EFCAB14: variants seen among roughly 807,000 people sequenced by gnomAD.
EFCAB14 encodes EF-hand calcium-binding domain-containing protein 14.
In EFCAB14, 43 loss-of-function variants were observed where a neutral mutation model predicts 56.5. The observed-to-expected ratio is 0.76, with a 90% CI of 0.60 to 0.98. The LOEUF is 0.98. Ranked by LOEUF, EFCAB14 falls within the 50% of genes least tolerant of loss-of-function variation. EFCAB14 has a pLI of 0.00. For synonymous variants in EFCAB14, 235 were observed against 212.9 expected (o/e 1.10, Z -0.90); for missense variants, 538 against 580.3 (o/e 0.93, Z 0.75).
At chr1:46,678,738 T>G in intron 10 of EFCAB14, 102 bp from the exon 11 acceptor site, 1 of 1,128,704 alleles carries the variant, frequency 8.9e-7, no homozygotes, top group Non-Finnish European at 1.2e-6. Flanking sequence ...GAAAAGCTAC[T>G]CCGCAAATTT....
rs1676696939 is a variant in EFCAB14, at chr1:46,676,516, C to T, written c.*1945G>A. On this transcript the variant is annotated 3_prime_UTR_variant, in exon 11 of 11. Transcript: ENST00000371933. ...AATCAGTTCTCAAAAAAATACCTTCCAGGTACAGACATACTATTTATGGTA... is the reference window on the plus strand; with the variant it reads ...AATCAGTTCTCAAAAAAATACCTTCTAGGTACAGACATACTATTTATGGTA... 1 of 152,484 alleles carries T rather than the reference C, an allele frequency of 6.6e-6. No homozygotes were observed. Among genetic ancestry groups the T allele is most frequent in the African/African-American group, 2.4e-5 (1 of 41,380 alleles). 9.4% of individuals were successfully genotyped at this position (152,484 alleles called of 1,614,324 possible).
chr1:46,700,982 A>AGAGT (rs1553123121), intron 3 of EFCAB14, among the ~76,000 whole-genome samples: 1 of 75,924 alleles, frequency 1.3e-5, no homozygotes. Flanking sequence ...AGAGAGAGTG[A>AGAGT]GTGAGTGTGT....
chr1:46,680,565 G>A lies in EFCAB14; in HGVS notation c.1313-1929C>T, dbSNP rs563598232. Among the ~76,000 whole-genome samples, 17 of 152,338 alleles carry A rather than the reference G, an allele frequency of 1.1e-4. 1 individual carries two copies. In the South Asian group the frequency reaches 2.3e-3, roughly 20 times the overall value. On this transcript the variant is annotated intron_variant, in intron 10 of 10. Transcript: ENST00000371933. ...GATTAAGAGACTAGTGGTTGCTGGA[G>A]ACTGGCAGGAGAGGGGACTGGGAGT...
At chr1:46,703,243 G>T (rs891339799) in intron 3 of EFCAB14, among the ~76,000 whole-genome samples, 9 of 152,036 alleles carry the variant, frequency 5.9e-5, no homozygotes, top group African/African-American at 2.2e-4. Flanking sequence ...CCAGGTAGCT[G>T]GGATTACAGG....
intron 1 of EFCAB14, among the ~76,000 whole-genome samples, chr1:46,716,949 T>C (rs1250683136): frequency 1.3e-5 from 2 of 152,256 alleles, no homozygotes; most frequent in South Asian, 2.1e-4. Flanking sequence ...TGGTGTATTC[T>C]AGCTTATTGG....
At chr1:46,704,631 TG>T in intron 3 of EFCAB14, among the ~76,000 whole-genome samples, 1 of 152,308 alleles carries the variant, frequency 6.6e-6, no homozygotes, top group Non-Finnish European at 1.5e-5. Flanking sequence ...CAGCCCCTGT[TG>T]TTTTTAAGTT....
At chr1:46,678,925 C>A (rs2148835733) in intron 10 of EFCAB14, among the ~76,000 whole-genome samples, 1 of 151,990 alleles carries the variant, frequency 6.6e-6, no homozygotes, top group South Asian at 2.1e-4. Context: ...GAATTTGAGA[C>A]CAGCCTGGGC....
intron 9 of EFCAB14, 100 bp downstream of exon 9, chr1:46,684,391 T>C: frequency 1.1e-6 from 1 of 924,958 alleles, no homozygotes; most frequent in Non-Finnish European, 1.7e-6. Flanking sequence ...ATCACTCGCT[T>C]GGTGCGATCA....
intron 10 of EFCAB14, chr1:46,682,283 T>C (rs887974770): frequency 1.3e-5 from 2 of 152,150 alleles, no homozygotes; most frequent in Non-Finnish European, 2.9e-5. Context: ...ATGTTCCTGG[T>C]AGAATGGTAT....
At chr1:46,682,160 T>C (rs969340945) in intron 10 of EFCAB14, 1 of 152,166 alleles carries the variant, frequency 6.6e-6, no homozygotes, top group African/African-American at 2.4e-5. Flanking sequence ...CCATAGGAAG[T>C]TATATTTTGT....
chr1:46,712,732 G>A (rs1677327922), intron 2 of EFCAB14, among the ~76,000 whole-genome samples: 1 of 152,086 alleles, frequency 6.6e-6, no homozygotes, highest in Admixed American at 6.5e-5. Context: ...TTTAGGCAGG[G>A]CGTGGTGGCT....
At position 46,678,316 on chromosome 1, in the gene EFCAB14, A is replaced by G. The variant is rs149566783; in HGVS notation, c.*145T>C. ...TCTTCTTTAAAAAAATAACTTTTAT[A>G]TAGCTTCTTCAAACAAGTTAAAAGG... On this transcript the variant is annotated 3_prime_UTR_variant, in exon 11 of 11. Coordinates refer to ENST00000371933, the MANE Select transcript of EFCAB14 (RefSeq NM_014774.3). The G allele has an allele frequency of 9.8e-4, 678 of 691,868 alleles. 7 individuals are homozygous for G. Among genetic ancestry groups the G allele is most frequent in the Non-Finnish European group, 1.2e-4 (52 of 445,042 alleles). 42.9% of individuals were successfully genotyped at this position (691,868 alleles called of 1,614,324 possible). A position where few individuals can be genotyped will look rare whatever the true frequency, so the allele number is the denominator to read the frequency against.
chr1:46,676,101 C>T lies in EFCAB14; in HGVS notation c.*2360G>A, dbSNP rs1016546754. 2.0e-5 allele frequency: 3 copies of T among 152,168 alleles called. No homozygotes were observed. The highest frequency in any genetic ancestry group is 4.8e-5 in the African/African-American group (2 of 41,444). 9.4% of individuals were successfully genotyped at this position (152,168 alleles called of 1,614,324 possible). A position where few individuals can be genotyped will look rare whatever the true frequency, so the allele number is the denominator to read the frequency against. On this transcript the variant is annotated 3_prime_UTR_variant, in exon 11 of 11. Coordinates refer to ENST00000371933, the MANE Select transcript of EFCAB14 (RefSeq NM_014774.3). ...TCCCAAATTCACACTAAATAATAGG[C>T]TTATGGGATGCTTAAGCCAGTGAGT... is the stretch of plus-strand genomic sequence containing the variant.
intron 1 of EFCAB14, among the ~76,000 whole-genome samples, chr1:46,716,715 C>T (rs1677401648): frequency 6.6e-6 from 1 of 152,176 alleles, no homozygotes; most frequent in Non-Finnish European, 1.5e-5. Flanking sequence ...CTGTCATTAT[C>T]AGGAGGGAGG....
chr1:46,698,495 T>A (rs1469131373), intron 3 of EFCAB14, among the ~76,000 whole-genome samples: 1 of 151,842 alleles, frequency 6.6e-6, no homozygotes, highest in Non-Finnish European at 1.5e-5. Flanking sequence ...TTGACAGGAG[T>A]GACTGGGTAG....
At chr1:46,700,965 G>A (rs1677145200) in intron 3 of EFCAB14, among the ~76,000 whole-genome samples, 1 of 98,188 alleles carries the variant, frequency 1.0e-5, no homozygotes, top group Non-Finnish European at 2.2e-5. Flanking sequence ...ATGAGAGAGA[G>A]AGAGAGAGAG....
chr1:46,691,322 C>T (rs1019786680), intron 5 of EFCAB14, among the ~76,000 whole-genome samples: 3 of 152,130 alleles, frequency 2.0e-5, no homozygotes, highest in Non-Finnish European at 4.4e-5. Context: ...TGGTGCTGTT[C>T]CATGTGTTGT....
At chr1:46,687,861 T>C (rs1394596729) in intron 7 of EFCAB14, among the ~76,000 whole-genome samples, 1 of 152,198 alleles carries the variant, frequency 6.6e-6, no homozygotes, top group Non-Finnish European at 1.5e-5. Context: ...TGACCTGATC[T>C]GTTTCCTGAC....
At chr1:46,681,092 G>C (rs1292857711) in intron 10 of EFCAB14, among the ~76,000 whole-genome samples, 2 of 151,944 alleles carry the variant, frequency 1.3e-5, no homozygotes, top group African/African-American at 4.8e-5. Flanking sequence ...CGAGTAGCTG[G>C]GATTACAGGG....
Sources: gnomAD v4.1 joint callset for allele counts (sites outside exome capture counted in the v4.1 genomes callset) on GRCh38, gnomAD v4.1.1 for gene constraint, MANE v1.5 for transcripts, NCBI Gene and HGNC (gene_info 2026-07-23, HGNC 2026-07-21) for gene names.